TRPM2: variants seen among roughly 807,000 people sequenced by gnomAD.
TRPM2 encodes the protein estrogen-responsive element-associated gene 1 protein.
A neutral mutation model predicts 174.0 loss-of-function variants in TRPM2; 161 were observed. That is an observed-to-expected ratio of 0.93 (90% CI 0.81 to 1.05). TRPM2 has a LOEUF of 1.05. Among genes scored for constraint, TRPM2 ranks in the 50% least tolerant of loss-of-function variants. The pLI is 0.00. For synonymous variants in TRPM2, 954 were observed against 861.3 expected (o/e 1.11, Z -1.88); for missense variants, 2,057 against 2,038.0 (o/e 1.01, Z -0.18).
At chr21:44,423,397 G>C (rs919593572) in intron 22 of TRPM2, 11 of 499,194 alleles carry the variant, frequency 2.2e-5, no homozygotes, top group Non-Finnish European at 4.0e-5. Context: ...TCCTGGGACC[G>C]ACAGGCTGCC....
intron 19 of TRPM2, 90 bp downstream of exon 19, chr21:44,406,855 G>A (rs968903126): frequency 1.4e-5 from 21 of 1,473,364 alleles, no homozygotes; most frequent in East Asian, 5.0e-5. Flanking sequence ...GAGTGAGGCC[G>A]GCTCCATCAG....
intron 27 of TRPM2, among the ~76,000 whole-genome samples, chr21:44,428,532 C>G (rs2050896658): frequency 1.4e-5 from 2 of 145,282 alleles, no homozygotes; most frequent in South Asian, 2.2e-4. Context: ...TGTGGCTCCT[C>G]CCTGAGGTGT....
At position 44,387,441 on chromosome 21, in the gene TRPM2, C is replaced by T. The variant is rs368157720; in HGVS notation, c.1319-3463C>T. On this transcript the variant is annotated intron_variant, in intron 9 of 31. Coordinates refer to ENST00000397928, the MANE Select transcript of TRPM2 (RefSeq NM_003307.4). Reference sequence around the variant, plus strand: ...AGGACTTCTGAATATAAGACCTAAACTCTTAGAAGAAAGCACAGGGCAAAA... The same window carrying T: ...AGGACTTCTGAATATAAGACCTAAATTCTTAGAAGAAAGCACAGGGCAAAA... Among the ~76,000 whole-genome samples the T allele has an allele frequency of 2.6e-5, 4 of 152,178 alleles. No individual in the cohort carries two copies. The East Asian group carries it at 7.7e-4, about 29-fold the overall frequency.
At chr21:44,377,483 G>T (rs907743254) in intron 6 of TRPM2, among the ~76,000 whole-genome samples, 1 of 152,200 alleles carries the variant, frequency 6.6e-6, no homozygotes, top group Non-Finnish European at 1.5e-5. Context: ...GGAATGTGGA[G>T]CTTTGACTTT....
rs571169417 is a variant in TRPM2 at position 44,362,748 on chromosome 21, A to G, written c.255-1366A>G. Among the ~76,000 whole-genome samples the G allele has an allele frequency of 3.9e-5, 6 of 152,084 alleles. No individual in the cohort carries two copies. The South Asian group carries it at 1.2e-3, about 32-fold the overall frequency. On this transcript the variant is annotated intron_variant, in intron 2 of 31. Transcript: ENST00000397928. ...TTCCCTAGCCTTCCTTCAATTAAGA[A>G]GGTCCAAACTTCCTGTCTTTTCTGA...
chr21:44,414,080 C>T lies in TRPM2; in HGVS notation c.3146+6C>T, dbSNP rs758348993. The T allele has an allele frequency of 9.3e-6, 15 of 1,606,066 alleles. No homozygotes were observed. The highest frequency in any genetic ancestry group is 1.1e-5 in the Non-Finnish European group (13 of 1,175,982). On this transcript the variant is annotated splice_donor_region_variant and intron_variant, in intron 20 of 31. Coordinates refer to ENST00000397928, the MANE Select transcript of TRPM2 (RefSeq NM_003307.4). The stretch of plus-strand genomic sequence containing the variant: ...CTCCTCATCGCCATGTTCAAGTGAG[C>T]GCCTGGGTGGGGCTGGCGTGCAGGT...
intron 2 of TRPM2, among the ~76,000 whole-genome samples, chr21:44,363,701 GA>G (rs1396542493): frequency 6.6e-6 from 1 of 152,126 alleles, no homozygotes; most frequent in African/African-American, 2.4e-5. Context: ...CATCCTGGTT[GA>G]GATTTTCCTG....
At chr21:44,397,539 C>T (rs2049467493) in intron 12 of TRPM2, among the ~76,000 whole-genome samples, 1 of 152,118 alleles carries the variant, frequency 6.6e-6, no homozygotes, top group Admixed American at 6.5e-5. Context: ...TCCCACAGGC[C>T]ACGCAGGAGC....
In TRPM2 at chr21:44,425,790, C is replaced by CCA; in HGVS notation, c.3758_3759insCA (p.Arg1254SerfsTer17). On this transcript the variant is annotated frameshift_variant, in exon 25 of 32. Coordinates refer to ENST00000397928, the MANE Select transcript of TRPM2 (RefSeq NM_003307.4). LOFTEE classifies it high-confidence loss of function. ...CTCCTCTACCCCAACTGCCCTGTCA[C>CCA]GCGCTTCCCCGTGCCCAACGAGAAG... is the stretch of plus-strand genomic sequence containing the variant. The CCA allele has an allele frequency of 1.3e-6, 2 of 1,586,062 alleles. No individual in the cohort carries two copies. The highest frequency in any genetic ancestry group is 2.2e-5 in the South Asian group (2 of 89,768).
chr21:44,366,242 C>A lies in TRPM2; in HGVS notation c.424-512C>A, dbSNP rs1420080290. Reference sequence around the variant, plus strand: ...GGGCCAGGGCACAGGGGCCACAGAGCAGAGGGGATAGGGCAGAGGGGACAG... The same window carrying A: ...GGGCCAGGGCACAGGGGCCACAGAGAAGAGGGGATAGGGCAGAGGGGACAG... On this transcript the variant is annotated intron_variant, in intron 3 of 31. Transcript: ENST00000397928. This position sits in a 1 kb window ranked among gnomAD's most constrained non-coding sequence, Gnocchi z 6.0. Among the ~76,000 whole-genome samples, 1 of 142,316 alleles carries A rather than the reference C, an allele frequency of 7.0e-6. No homozygotes were observed. Among genetic ancestry groups the A allele is most frequent in the Non-Finnish European group, 1.5e-5 (1 of 66,718 alleles). The allele number at this position is 142,316 out of a possible 152,430, so 93.4% of individuals were successfully genotyped here.
chr21:44,372,353 G>T (rs1457745287), intron 5 of TRPM2, among the ~76,000 whole-genome samples: 1 of 151,842 alleles, frequency 6.6e-6, no homozygotes, highest in Non-Finnish European at 1.5e-5. Context: ...AAAATTAGCC[G>T]GGCATGGTGG....
chr21:44,370,253 G>A (rs2048493721), intron 5 of TRPM2, among the ~76,000 whole-genome samples: 1 of 152,130 alleles, frequency 6.6e-6, no homozygotes, highest in Non-Finnish European at 1.5e-5. Context: ...ACCCCGAACC[G>A]GAGCTTTTAG....
At chr21:44,419,567 G>A (rs1312809547) in intron 22 of TRPM2, among the ~76,000 whole-genome samples, 2 of 147,958 alleles carry the variant, frequency 1.4e-5, no homozygotes, top group Non-Finnish European at 3.1e-5. Flanking sequence ...GGTGATGGTG[G>A]TGGTGGTGAT....
intron 19 of TRPM2, among the ~76,000 whole-genome samples, chr21:44,407,573 C>T (rs1005124132): frequency 3.3e-5 from 5 of 149,856 alleles, no homozygotes; most frequent in Admixed American, 6.7e-5. Flanking sequence ...TCTGCATCAC[C>T]CTGAAAAGAC....
chr21:44,389,843 A>T (rs931491473), intron 9 of TRPM2, among the ~76,000 whole-genome samples: 3 of 151,420 alleles, frequency 2.0e-5, no homozygotes, highest in Non-Finnish European at 4.4e-5. Flanking sequence ...TATTTTCTTC[A>T]AGATGTCTTT....
chr21:44,391,471 C>G lies in TRPM2; in HGVS notation c.1640C>G (p.Pro547Arg). The stretch of plus-strand genomic sequence containing the variant: ...GTGCTGGTGGAGGATCCCGAGCGCC[C>G]GGCTTGCGCGCCCGCGGCGCCCCGC... ...QKVLVEDPER[P>R]ACAPAAPRLQ... Residue 547 changes from proline (P) to arginine (R), a missense_variant, in exon 11 of 32, where the codon CCG becomes CGG. Coordinates refer to ENST00000397928, the MANE Select transcript of TRPM2 (RefSeq NM_003307.4). This position sits in a 1 kb window ranked among gnomAD's most constrained non-coding sequence, Gnocchi z 5.0. 3 of 1,610,646 alleles carry G rather than the reference C, an allele frequency of 1.9e-6. No homozygotes were observed. Among genetic ancestry groups the G allele is most frequent in the Non-Finnish European group, 2.5e-6 (3 of 1,179,720 alleles).
rs1423055461 is a variant in TRPM2 at position 44,366,291 on chromosome 21, G to A, written c.424-463G>A. Among the ~76,000 whole-genome samples, 3 of 150,956 alleles carry A rather than the reference G, an allele frequency of 2.0e-5. No individual in the cohort carries two copies. The highest frequency in any genetic ancestry group is 3.9e-4 in the East Asian group (2 of 5,120). Reference sequence around the variant, plus strand: ...AGGAGAGGGGACAGGAGAGGGGACAGGAGAGGGGACAGGAGAGGGGACAGG... The same window carrying A: ...AGGAGAGGGGACAGGAGAGGGGACAAGAGAGGGGACAGGAGAGGGGACAGG... On this transcript the variant is annotated intron_variant, in intron 3 of 31. Coordinates refer to ENST00000397928, the MANE Select transcript of TRPM2 (RefSeq NM_003307.4). This position sits in a 1 kb window ranked among gnomAD's most constrained non-coding sequence, Gnocchi z 6.0.
At chr21:44,405,079 G>A in intron 16 of TRPM2, 63 bp from the exon 17 acceptor site, 1 of 1,601,446 alleles carries the variant, frequency 6.2e-7, no homozygotes, top group Non-Finnish European at 8.5e-7. Flanking sequence ...TGATGTGACA[G>A]TGACAGTGAG....
intron 20 of TRPM2, among the ~76,000 whole-genome samples, chr21:44,414,278 C>T (rs531476794): frequency 6.6e-6 from 1 of 152,336 alleles, no homozygotes; most frequent in Non-Finnish European, 1.5e-5. Context: ...GAGTCTGTCT[C>T]TTGAGCTGGC....
Sources: gnomAD v4.1 joint callset for allele counts (sites outside exome capture counted in the v4.1 genomes callset) on GRCh38, gnomAD v4.1.1 for gene constraint, Gnocchi (gnomAD v3.1) non-coding constraint, MANE v1.5 for transcripts, NCBI Gene and HGNC (gene_info 2026-07-23, HGNC 2026-07-21) for gene names.